The following RSRC1 variants were observed in gnomAD, a reference collection of about 807,000 sequenced individuals.
The protein encoded by RSRC1 is arginine and serine rich coiled-coil 1.
RSRC1 carries 39 observed loss-of-function variants against 49.1 expected under a neutral mutation model. The observed-to-expected ratio is 0.79, with a 90% CI of 0.61 to 1.04. The LOEUF (loss-of-function observed/expected upper bound fraction) is 1.04. Ranked by LOEUF, RSRC1 falls within the 50% of genes least tolerant of loss-of-function variation. The probability of loss-of-function intolerance (pLI) is 0.00; values close to 1 mark genes in which losing one functional copy is unlikely to be tolerated. For missense variants in RSRC1, 388 were observed against 402.4 expected (o/e 0.96, Z 0.31); for synonymous variants, 143 against 130.8 (o/e 1.09, Z -0.63).
chr3:158,117,881 TTTTCTTTC>T (rs139354874), intron 1 of RSRC1, among the ~76,000 whole-genome samples: 17 of 150,374 alleles, frequency 1.1e-4, no homozygotes, highest in South Asian at 4.2e-4. Flanking sequence ...GTCTGTCTCT[TTTTCTTTC>T]TTTCTTTCTT....
chr3:158,467,455 T>A (rs1737940895), intron 7 of RSRC1, among the ~76,000 whole-genome samples: 1 of 152,222 alleles, frequency 6.6e-6, no homozygotes, highest in Admixed American at 6.5e-5. Context: ...TATCTAAATA[T>A]GTAGTTACAT....
At chr3:158,280,529 T>C (rs1209787762) in intron 4 of RSRC1, among the ~76,000 whole-genome samples, 1 of 151,900 alleles carries the variant, frequency 6.6e-6, no homozygotes, top group African/African-American at 2.4e-5. Context: ...TCAGTAATAG[T>C]TGTTGAATGA....
At chr3:158,394,375 G>GA (rs1444379907) in intron 6 of RSRC1, among the ~76,000 whole-genome samples, 1 of 152,092 alleles carries the variant, frequency 6.6e-6, no homozygotes, top group Non-Finnish European at 1.5e-5. Flanking sequence ...TCTGTTTGCA[G>GA]ATGACATGAT....
At chr3:158,256,747 A>C (rs534220997) in intron 4 of RSRC1, among the ~76,000 whole-genome samples, 2 of 152,100 alleles carry the variant, frequency 1.3e-5, no homozygotes, top group South Asian at 4.2e-4. Context: ...TCAATTTCAG[A>C]GCCTGTTACT....
At chr3:158,172,647 C>T (rs1258450462) in intron 3 of RSRC1, among the ~76,000 whole-genome samples, 1 of 152,068 alleles carries the variant, frequency 6.6e-6, no homozygotes. Flanking sequence ...GAATGTGAAC[C>T]CATTTTTGGC....
At chr3:158,214,780 A>G (rs1023190223) in intron 4 of RSRC1, among the ~76,000 whole-genome samples, 5 of 151,868 alleles carry the variant, frequency 3.3e-5, no homozygotes, top group South Asian at 2.1e-4. Context: ...ATTATGACCA[A>G]AAAACATACT....
At chr3:158,279,342 G>C (rs1726000051) in intron 4 of RSRC1, among the ~76,000 whole-genome samples, 1 of 152,162 alleles carries the variant, frequency 6.6e-6, no homozygotes, top group South Asian at 2.1e-4. Context: ...CCTTTATATA[G>C]TGACACTAAA....
Position 158,396,075 on chromosome 3 carries a change from A to G in RSRC1, c.583+41167A>G, listed in dbSNP as rs148589414. On this transcript the variant is annotated intron_variant, in intron 6 of 9. Transcript: ENST00000611884. Reference sequence around the variant, plus strand: ...TGGGTGCCATTATCCTAAGCAAACAAATACAAGAACAGAAAACCAAATGCT... The same window carrying G: ...TGGGTGCCATTATCCTAAGCAAACAGATACAAGAACAGAAAACCAAATGCT... 9.4e-3 allele frequency among the ~76,000 whole-genome samples: 1,436 copies of G among 152,232 alleles called. 14 individuals are homozygous for G. Among genetic ancestry groups the G allele is most frequent in the Non-Finnish European group, 0.016 (1,082 of 67,984 alleles).
intron 6 of RSRC1, among the ~76,000 whole-genome samples, chr3:158,412,417 TA>T (rs1734510008): frequency 1.3e-5 from 2 of 152,318 alleles, no homozygotes; most frequent in East Asian, 3.9e-4. Context: ...AAATTTTGCC[TA>T]TTCTTTAAGA....
chr3:158,167,455 G>A (rs960419968), intron 3 of RSRC1, among the ~76,000 whole-genome samples: 3 of 152,112 alleles, frequency 2.0e-5, no homozygotes, highest in Admixed American at 6.5e-5. Context: ...CCTTCCAAAG[G>A]GCTGGGATTA....
chr3:158,524,696 T>G (rs1182994978), intron 7 of RSRC1, among the ~76,000 whole-genome samples: 1 of 151,980 alleles, frequency 6.6e-6, no homozygotes, highest in Non-Finnish European at 1.5e-5. Flanking sequence ...TTAAGACCCC[T>G]TATATAGAAC....
At chr3:158,413,791 T>C (rs1280422163) in intron 6 of RSRC1, among the ~76,000 whole-genome samples, 1 of 152,036 alleles carries the variant, frequency 6.6e-6, no homozygotes, top group East Asian at 1.9e-4. Context: ...TGAGATACCA[T>C]CTCATGCCAA....
At chr3:158,383,864 A>G (rs1340097485) in intron 6 of RSRC1, among the ~76,000 whole-genome samples, 3 of 152,162 alleles carry the variant, frequency 2.0e-5, no homozygotes, top group Non-Finnish European at 2.9e-5. Flanking sequence ...AATCATGACA[A>G]TTCATTCCTC....
At chr3:158,368,874 TA>T (rs1156628508) in intron 6 of RSRC1, among the ~76,000 whole-genome samples, 4 of 152,126 alleles carry the variant, frequency 2.6e-5, no homozygotes, top group African/African-American at 9.7e-5. Flanking sequence ...TTTTTTTGGA[TA>T]AGAGTAAAAT....
At chr3:158,298,923 A>G (rs1001962589) in intron 5 of RSRC1, among the ~76,000 whole-genome samples, 1 of 152,190 alleles carries the variant, frequency 6.6e-6, no homozygotes, top group African/African-American at 2.4e-5. Context: ...ACAAAAGCAA[A>G]CAGTAGCAAG....
chr3:158,498,039 G>C (rs925616734), intron 7 of RSRC1, among the ~76,000 whole-genome samples: 1 of 152,142 alleles, frequency 6.6e-6, no homozygotes, highest in Non-Finnish European at 1.5e-5. Flanking sequence ...GAGTGTGCAA[G>C]TATCTTTTTC....
intron 7 of RSRC1, among the ~76,000 whole-genome samples, chr3:158,501,734 G>A (rs1057213898): frequency 2.6e-5 from 4 of 151,936 alleles, no homozygotes; most frequent in African/African-American, 9.7e-5. Flanking sequence ...TTAAATTTGT[G>A]TGAGTCCTTA....
At position 158,364,061 on chromosome 3, in the gene RSRC1, T is replaced by C. The variant is rs192468186; in HGVS notation, c.583+9153T>C. ...CTGAGATTTTATTCTCTTAGTTGCC[T>C]ATTAAGTACCTGGAAGCCAAGTCCT... is the stretch of plus-strand genomic sequence containing the variant. On this transcript the variant is annotated intron_variant, in intron 6 of 9. Transcript: ENST00000611884. Among the ~76,000 whole-genome samples the C allele has an allele frequency of 1.7e-3, 260 of 152,338 alleles. 3 individuals are homozygous for C. Among genetic ancestry groups the C allele is most frequent in the African/African-American group, 6.0e-3 (249 of 41,570 alleles).
chr3:158,126,670 G>T (rs1253356397), intron 3 of RSRC1, among the ~76,000 whole-genome samples: 1 of 152,062 alleles, frequency 6.6e-6, no homozygotes, highest in Non-Finnish European at 1.5e-5. Context: ...ACCTTTACCA[G>T]TGAGCTTTAT....
Sources: allele counts gnomAD v4.1 joint callset (sites outside exome capture counted in the v4.1 genomes callset), GRCh38; gene constraint gnomAD v4.1.1; transcripts MANE v1.5; gene names NCBI Gene and HGNC (gene_info 2026-07-23, HGNC 2026-07-21).